The following XKRX variants were observed in gnomAD, a reference collection of about 807,000 sequenced individuals.
XKRX encodes the protein XK-related protein 2.
In XKRX, 11 loss-of-function variants were observed where a neutral mutation model predicts 22.4. That is an observed-to-expected ratio of 0.49 (90% CI 0.31 to 0.81). The LOEUF (loss-of-function observed/expected upper bound fraction) is 0.81, where lower values mean the gene tolerates loss of function less well. XKRX is among the 40% of genes least tolerant of loss of function. The pLI is 0.05. For synonymous variants in XKRX, 114 were observed against 132.2 expected (o/e 0.86, Z 0.94); for missense variants, 320 against 336.5 (o/e 0.95, Z 0.38).
the XKRX span, among the ~76,000 whole-genome samples, chrX:100,895,387 G>A: frequency 8.9e-6 from 1 of 112,600 alleles, no homozygotes; most frequent in Admixed American, 9.4e-5. Context: ...TAGAATAGAT[G>A]AAATAAGGTA....
At chrX:100,908,497 G>A (rs1305434192), downstream of XKRX, among the ~76,000 whole-genome samples, 3 of 111,371 alleles carry the variant, frequency 2.7e-5, no homozygotes, top group African/African-American at 9.8e-5. Flanking sequence ...CACAGTGTAC[G>A]TTCTTTTGCC....
the XKRX span, among the ~76,000 whole-genome samples, chrX:100,901,128 G>A: frequency 1.8e-5 from 2 of 111,125 alleles, no homozygotes; most frequent in Admixed American, 1.9e-4. Flanking sequence ...AAGTAACTCT[G>A]ATGTACACCA....
chrX:100,953,993 G>A, the XKRX span, among the ~76,000 whole-genome samples: 2 of 101,310 alleles, frequency 2.0e-5, no homozygotes, highest in African/African-American at 7.2e-5. Context: ...GGCTGAAATA[G>A]ACATTTCTCC....
chrX:100,921,824 C>CA (rs2085473638), intron 2 of XKRX, among the ~76,000 whole-genome samples: 2 of 56,360 alleles, frequency 3.5e-5, no homozygotes, highest in Non-Finnish European at 6.3e-5. Context: ...TAACCCCACG[C>CA]TTTTTTTTTT....
At chrX:100,895,009 G>A in the XKRX span, among the ~76,000 whole-genome samples, 2 of 111,487 alleles carry the variant, frequency 1.8e-5, no homozygotes, top group East Asian at 2.8e-4. Flanking sequence ...AGAATAATTC[G>A]GATGTTAACT....
chrX:100,958,962 T>C, the XKRX span, among the ~76,000 whole-genome samples: 1 of 112,154 alleles, frequency 8.9e-6, no homozygotes, highest in Non-Finnish European at 1.9e-5. Context: ...TTCAATATTA[T>C]AATAACTCTT....
the XKRX span, chrX:100,956,677 C>A: frequency 3.6e-6 from 2 of 552,282 alleles, no homozygotes. Context: ...CCCTTTTGGA[C>A]CTCTCATGAA....
At chrX:100,927,888 C>T in intron 1 of XKRX, 82 bp downstream of exon 1, 1 of 1,054,937 alleles carries the variant, frequency 9.5e-7, no homozygotes, top group Non-Finnish European at 1.3e-6. Context: ...CCATAGTATC[C>T]ATCTTGTAAA....
chrX:100,947,967 A>T, the XKRX span, among the ~76,000 whole-genome samples: 1 of 106,960 alleles, frequency 9.3e-6, no homozygotes, highest in African/African-American at 3.4e-5. Flanking sequence ...CAGTGGCATG[A>T]TCTTGGCTCA....
At chrX:100,911,153 A>G, downstream of XKRX, 1 of 580,229 alleles carries the variant, frequency 1.7e-6, no homozygotes, top group East Asian at 3.2e-5. Flanking sequence ...ATGGAAGAGG[A>G]TGGTTACTAA....
At chrX:100,955,018 A>G in the XKRX span, among the ~76,000 whole-genome samples, 1 of 112,204 alleles carries the variant, frequency 8.9e-6, no homozygotes, top group Non-Finnish European at 1.9e-5. Context: ...TTAATATACT[A>G]AAAAACGATG....
At chrX:100,894,587 G>A in the XKRX span, among the ~76,000 whole-genome samples, 1 of 111,121 alleles carries the variant, frequency 9.0e-6, no homozygotes, top group African/African-American at 3.3e-5. Flanking sequence ...GGGACCACAG[G>A]TGCACAGCAA....
chrX:100,954,746 T>G, the XKRX span, among the ~76,000 whole-genome samples: 1 of 112,373 alleles, frequency 8.9e-6, no homozygotes, highest in Admixed American at 9.5e-5. Flanking sequence ...AAAAATAAAT[T>G]ACTGAAACAT....
At chrX:100,900,017 G>C in the XKRX span, among the ~76,000 whole-genome samples, 1 of 111,559 alleles carries the variant, frequency 9.0e-6, no homozygotes. Context: ...AAATGGAATT[G>C]CAAAAGACCC....
chrX:100,932,796 C>T (rs1475467075), upstream of XKRX, among the ~76,000 whole-genome samples: 2 of 111,997 alleles, frequency 1.8e-5, no homozygotes, highest in East Asian at 5.6e-4. Flanking sequence ...TGGGCAAGGC[C>T]CAGAGAATCA....
chrX:100,923,130 A>C (rs1351583326), intron 1 of XKRX, 69 bp from the exon 2 acceptor site: 2 of 1,144,182 alleles, frequency 1.7e-6, no homozygotes, highest in Admixed American at 2.4e-5. Context: ...GTGAGGGAAA[A>C]AAATAACTTG....
chrX:100,914,790 C>G lies in XKRX; in HGVS notation c.898G>C (p.Glu300Gln). Residue 300 changes from glutamate (E) to glutamine (Q), a missense_variant, in exon 3 of 3, where the codon GAG becomes CAG. Coordinates refer to ENST00000372956, the MANE Select transcript of XKRX (RefSeq NM_212559.3). The stretch of plus-strand genomic sequence containing the variant: ...GTGCCGACCCGGCTGAAGTTTTTCT[C>G]AATGTTATTGGGCATCTGGGCACCA... The part of the protein sequence containing the change: ...RSGAQMPNNI[E>Q]KNFSRVGTLV... 1.7e-6 allele frequency: 2 copies of G among 1,211,638 alleles called. No homozygotes were observed. The highest frequency in any genetic ancestry group is 2.2e-6 in the Non-Finnish European group (2 of 895,544).
At chrX:100,955,110 C>T in the XKRX span, among the ~76,000 whole-genome samples, 3 of 111,852 alleles carry the variant, frequency 2.7e-5, no homozygotes, top group East Asian at 8.4e-4. Flanking sequence ...ATGCGGCCTG[C>T]TTCCTGGCCA....
chrX:100,932,917 C>T (rs947600450), upstream of XKRX, among the ~76,000 whole-genome samples: 6 of 111,630 alleles, frequency 5.4e-5, no homozygotes, highest in African/African-American at 1.3e-4. Context: ...GTAATCCCAG[C>T]GCTTTGGGAG....
Sources: gnomAD v4.1 joint callset for allele counts (sites outside exome capture counted in the v4.1 genomes callset) on GRCh38, gnomAD v4.1.1 for gene constraint, MANE v1.5 for transcripts, NCBI Gene and HGNC (gene_info 2026-07-23, HGNC 2026-07-21) for gene names.